Variants in IPMK observed in about 807,000 individuals in gnomAD.
IPMK encodes inositol polyphosphate multikinase, also known as inositol 1,3,4,6-tetrakisphosphate 5-kinase.
Under a neutral mutation model 45.8 loss-of-function variants are expected in IPMK, and 17 were observed. The ratio of observed to expected loss-of-function variants is 0.37; its 90% CI spans 0.25 to 0.56. The LOEUF (loss-of-function observed/expected upper bound fraction) is 0.56, where lower values mean the gene tolerates loss of function less well. IPMK is among the 20% of genes least tolerant of loss of function. The probability of loss-of-function intolerance (pLI) is 0.79; values close to 1 mark genes in which losing one functional copy is unlikely to be tolerated. For synonymous variants in IPMK, 180 were observed against 184.3 expected, an observed-to-expected ratio of 0.98 and a Z score of 0.19; for missense variants, 399 against 498.0, an observed-to-expected ratio of 0.80 and a Z score of 1.89.
intron 4 of IPMK, among the ~76,000 whole-genome samples, chr10:58,213,410 C>T (rs750326072): frequency 4.6e-5 from 7 of 152,134 alleles, no homozygotes; most frequent in South Asian, 2.1e-4. Context: ...AGAGGCTGGG[C>T]GCGGTGGCTC....
At chr10:58,198,964 G>C (rs1200488514) in intron 5 of IPMK, among the ~76,000 whole-genome samples, 1 of 151,834 alleles carries the variant, frequency 6.6e-6, no homozygotes, top group African/African-American at 2.4e-5. Flanking sequence ...CCAGTATTGA[G>C]TTAGATGGCT....
intron 5 of IPMK, among the ~76,000 whole-genome samples, chr10:58,198,052 A>AAAAAC (rs1837935581): frequency 6.6e-6 from 1 of 152,186 alleles, no homozygotes; most frequent in African/African-American, 2.4e-5. Flanking sequence ...AAACAAAACA[A>AAAAAC]AAAACAAAAA....
intron 2 of IPMK, 34 bp downstream of exon 2, chr10:58,237,695 T>C (rs1380959906): frequency 2.0e-6 from 3 of 1,513,358 alleles, no homozygotes; most frequent in Non-Finnish European, 2.8e-6. Flanking sequence ...GAAAAACACT[T>C]TGAAGACAAC....
intron 3 of IPMK, among the ~76,000 whole-genome samples, chr10:58,225,684 T>C (rs1224836928): frequency 6.6e-6 from 1 of 152,154 alleles, no homozygotes; most frequent in African/African-American, 2.4e-5. Context: ...CCTTCATTAA[T>C]TTTTCAGCGT....
intron 4 of IPMK, among the ~76,000 whole-genome samples, chr10:58,213,611 C>A (rs1838199551): frequency 1.3e-5 from 2 of 151,032 alleles, no homozygotes; most frequent in Admixed American, 1.3e-4. Flanking sequence ...GGCATGAAGC[C>A]AGGAGGCGGA....
intron 1 of IPMK, among the ~76,000 whole-genome samples, chr10:58,256,495 A>C (rs1303915432): frequency 1.3e-5 from 2 of 152,196 alleles, no homozygotes; most frequent in Non-Finnish European, 2.9e-5. Context: ...CCAGTGGGAC[A>C]TGGAACCTCA....
At chr10:58,244,782 C>G (rs1381252123) in intron 1 of IPMK, among the ~76,000 whole-genome samples, 4 of 152,138 alleles carry the variant, frequency 2.6e-5, no homozygotes, top group Non-Finnish European at 5.9e-5. Context: ...TGTGTCAACT[C>G]AGGGTTAAAT....
At chr10:58,239,502 C>A (rs978780064) in intron 1 of IPMK, among the ~76,000 whole-genome samples, 2 of 152,156 alleles carry the variant, frequency 1.3e-5, no homozygotes, top group African/African-American at 4.8e-5. Flanking sequence ...AGGTGATCTT[C>A]CCATTAGACA....
rs531973234 is a variant in IPMK at position 58,230,633 on chromosome 10, C to G, written c.277-3494G>C. 3.3e-5 allele frequency among the ~76,000 whole-genome samples: 5 copies of G among 152,130 alleles called. No homozygotes were observed. In the East Asian group the frequency reaches 9.7e-4, roughly 29 times the overall value. ...AAACAGAAAGGAATAGCATCAACAT[C>G]AACAAAAAGGTCATCTACACCAAAA... On this transcript the variant is annotated intron_variant, in intron 2 of 5. Transcript: ENST00000373935.
At chr10:58,223,037 T>C (rs1263132253) in intron 3 of IPMK, among the ~76,000 whole-genome samples, 1 of 152,158 alleles carries the variant, frequency 6.6e-6, no homozygotes, top group African/African-American at 2.4e-5. Context: ...GACTACACAC[T>C]GGGTACAGTG....
At chr10:58,256,482 T>C (rs1384251434) in intron 1 of IPMK, among the ~76,000 whole-genome samples, 2 of 152,206 alleles carry the variant, frequency 1.3e-5, no homozygotes, top group Admixed American at 6.5e-5. Context: ...AGACAATGCA[T>C]GCCCAGTGGG....
At chr10:58,259,163 G>A (rs992888100) in intron 1 of IPMK, among the ~76,000 whole-genome samples, 9 of 152,154 alleles carry the variant, frequency 5.9e-5, no homozygotes, top group African/African-American at 1.7e-4. Context: ...AAGGAACCAT[G>A]AGCACACCTA....
At chr10:58,228,286 G>T (rs1003791468) in intron 2 of IPMK, among the ~76,000 whole-genome samples, 1 of 152,050 alleles carries the variant, frequency 6.6e-6, no homozygotes, top group African/African-American at 2.4e-5. Flanking sequence ...AAGATAAAAG[G>T]CATATTACAT....
intron 1 of IPMK, among the ~76,000 whole-genome samples, chr10:58,244,810 C>G (rs929803665): frequency 6.6e-6 from 1 of 152,050 alleles, no homozygotes; most frequent in South Asian, 2.1e-4. Context: ...GGGCGGTGCA[C>G]GATGTGCTTG....
chr10:58,197,330 C>A (rs12244300), intron 5 of IPMK, among the ~76,000 whole-genome samples: 104 of 73,488 alleles, frequency 1.4e-3, no homozygotes, highest in African/African-American at 6.1e-3. Flanking sequence ...TAAATAAATA[C>A]ATAAATACAT....
At position 58,196,338 on chromosome 10, in the gene IPMK, T is replaced by C. The variant is rs772305007; in HGVS notation, c.989A>G (p.His330Arg). Residue 330 changes from histidine to arginine, a missense_variant, in exon 6 of 6, where the codon CAC becomes CGC. By Grantham distance (29) the His-to-Arg change is conservative (BLOSUM62 0). This residue lies in a region of IPMK where 288 missense variants were observed against 398.0 expected (regional missense o/e 0.72). Coordinates refer to ENST00000373935, the MANE Select transcript of IPMK (RefSeq NM_152230.5). ...TTCAACTTTCAATGAAGTCTGACTG[T>C]GATGCTTTTTTGTATATATTTTCCT... is the stretch of plus-strand genomic sequence containing the variant. ...RHRKIYTKKH[H>R]SQTSLKVENL... 20 of 1,614,070 alleles carry C rather than the reference T, an allele frequency of 1.2e-5. No individual in the cohort carries two copies. In the South Asian group the frequency reaches 1.5e-4, roughly 12 times the overall value.
chr10:58,234,728 G>A (rs1364812044), intron 2 of IPMK, among the ~76,000 whole-genome samples: 1 of 152,134 alleles, frequency 6.6e-6, no homozygotes, highest in Non-Finnish European at 1.5e-5. Flanking sequence ...AGAAAACCTA[G>A]GCAATACCAT....
At position 58,195,398 on chromosome 10, in the gene IPMK, T is replaced by C. The variant is rs1837876488; in HGVS notation, c.*678A>G. On this transcript the variant is annotated 3_prime_UTR_variant, in exon 6 of 6. Transcript: ENST00000373935. The stretch of plus-strand genomic sequence containing the variant: ...CCCTAACCCCAGTAAGGACAATTAG[T>C]GTGCCCTTAATTTCAAGACTTTGTT... 6.6e-6 allele frequency: 1 copy of C among 152,108 alleles called. No individual in the cohort carries two copies. The highest frequency in any genetic ancestry group is 2.1e-4 in the South Asian group (1 of 4,834). The allele number at this position is 152,108 out of a possible 1,614,324, so 9.4% of individuals were successfully genotyped here. A position where few individuals can be genotyped will look rare whatever the true frequency, so the allele number is the denominator to read the frequency against.
chr10:58,236,125 T>G (rs369210307), intron 2 of IPMK, among the ~76,000 whole-genome samples: 6 of 151,812 alleles, frequency 4.0e-5, no homozygotes, highest in African/African-American at 1.5e-4. Flanking sequence ...GAGACGGGGT[T>G]TCACCATGTT....
Sources: allele counts gnomAD v4.1 joint callset (sites outside exome capture counted in the v4.1 genomes callset), GRCh38; gene constraint gnomAD v4.1.1; regional missense constraint gnomAD v4.1.1; transcripts MANE v1.5; gene names NCBI Gene and HGNC (gene_info 2026-07-23, HGNC 2026-07-21).